Variants in GABRG3 observed in about 807,000 individuals in gnomAD.
GABRG3 encodes gamma-aminobutyric acid receptor subunit gamma-3.
In GABRG3, 25 loss-of-function variants were observed where a neutral mutation model predicts 48.8. That is an observed-to-expected ratio of 0.51 (90% CI 0.37 to 0.72). GABRG3 has a LOEUF of 0.72. Ranked by LOEUF, GABRG3 falls within the 30% of genes least tolerant of loss-of-function variation. The probability of loss-of-function intolerance (pLI) is 0.00; values close to 1 mark genes in which losing one functional copy is unlikely to be tolerated. For missense variants in GABRG3, 394 were observed against 577.9 expected, an observed-to-expected ratio of 0.68 and a Z score of 3.26; for synonymous variants, 227 against 217.6, an observed-to-expected ratio of 1.04 and a Z score of -0.38.
At chr15:27,314,567 T>C (rs1893146634) in intron 3 of GABRG3, among the ~76,000 whole-genome samples, 1 of 152,152 alleles carries the variant, frequency 6.6e-6, no homozygotes, top group Non-Finnish European at 1.5e-5. Flanking sequence ...TGGGTATTTA[T>C]CCAGAAGCAT....
intron 3 of GABRG3, among the ~76,000 whole-genome samples, chr15:27,316,633 A>G (rs1222277472): frequency 6.6e-6 from 1 of 152,214 alleles, no homozygotes; most frequent in Non-Finnish European, 1.5e-5. Flanking sequence ...TACGCTTTTA[A>G]CTTATGAACA....
intron 5 of GABRG3, among the ~76,000 whole-genome samples, chr15:27,442,732 A>C (rs1888828601): frequency 6.6e-6 from 1 of 152,202 alleles, no homozygotes; most frequent in South Asian, 2.1e-4. Context: ...TTTTTCTACA[A>C]TCTGACCCCT....
chr15:27,385,345 G>C (rs945133677), intron 5 of GABRG3, among the ~76,000 whole-genome samples: 1 of 108,874 alleles, frequency 9.2e-6, no homozygotes, highest in African/African-American at 3.6e-5. Flanking sequence ...GTGTCTAGGT[G>C]TGGATTGCAT....
chr15:27,168,241 G>C (rs1252164724), intron 3 of GABRG3, among the ~76,000 whole-genome samples: 4 of 152,140 alleles, frequency 2.6e-5, no homozygotes, highest in Admixed American at 2.0e-4. Context: ...TGCTCATGCA[G>C]TGTGAGCATT....
intron 3 of GABRG3, among the ~76,000 whole-genome samples, chr15:27,306,821 T>C (rs1158149483): frequency 1.1e-5 from 1 of 93,264 alleles, no homozygotes; most frequent in African/African-American, 5.3e-5. Flanking sequence ...TGTTTATATA[T>C]AAACATACAA....
intron 3 of GABRG3, among the ~76,000 whole-genome samples, chr15:27,049,841 A>C (rs898025969): frequency 2.0e-5 from 3 of 152,208 alleles, no homozygotes; most frequent in Admixed American, 2.0e-4. Flanking sequence ...ATGAAAGGTC[A>C]TATCCACCTG....
In GABRG3 at chr15:27,136,168, A is replaced by G. The variant is rs190617817; in HGVS notation, c.270+109347A>G. Among the ~76,000 whole-genome samples, 179 of 152,288 alleles carry G rather than the reference A, an allele frequency of 1.2e-3. 2 individuals are homozygous for G. Among genetic ancestry groups the G allele is most frequent in the Admixed American group, 0.01 (160 of 15,302 alleles). On this transcript the variant is annotated intron_variant, in intron 3 of 9. Coordinates refer to ENST00000615808, the MANE Select transcript of GABRG3 (RefSeq NM_033223.5). ...TGTGAAAGGGGTGCTATGAACATGA[A>G]TTAAATATGAATGCAGTGATAAAAC... is the stretch of plus-strand genomic sequence containing the variant.
intron 3 of GABRG3, among the ~76,000 whole-genome samples, chr15:27,244,914 A>C (rs2140455821): frequency 6.6e-6 from 1 of 152,216 alleles, no homozygotes; most frequent in African/African-American, 2.4e-5. Flanking sequence ...ATTTAGCAAC[A>C]GTGTGTATGG....
Position 27,037,766 on chromosome 15 carries a change from C to T in GABRG3, c.270+10945C>T, listed in dbSNP as rs185702107. On this transcript the variant is annotated intron_variant, in intron 3 of 9. Coordinates refer to ENST00000615808, the MANE Select transcript of GABRG3 (RefSeq NM_033223.5). ...TGTCTTATCTGTGTTTTACTGTCTG[C>T]TCTTTCTGGCTGCTGGTAGTTAGAA... Among the ~76,000 whole-genome samples, 8 of 152,322 alleles carry T rather than the reference C, an allele frequency of 5.3e-5. No individual in the cohort carries two copies. The East Asian group carries it at 1.5e-3, about 29-fold the overall frequency.
intron 5 of GABRG3, among the ~76,000 whole-genome samples, chr15:27,358,652 T>A (rs1894921235): frequency 6.6e-6 from 1 of 151,588 alleles, no homozygotes; most frequent in Admixed American, 6.6e-5. Flanking sequence ...TAGGAGCACA[T>A]GATATGTGAT....
At position 27,164,225 on chromosome 15, in the gene GABRG3, A is replaced by G. The variant is rs181349527; in HGVS notation, c.270+137404A>G. Among the ~76,000 whole-genome samples, 57 of 152,314 alleles carry G rather than the reference A, an allele frequency of 3.7e-4. No homozygotes were observed. In the East Asian group the frequency reaches 3.9e-3, roughly 10 times the overall value. On this transcript the variant is annotated intron_variant, in intron 3 of 9. Coordinates refer to ENST00000615808, the MANE Select transcript of GABRG3 (RefSeq NM_033223.5). ...TTACTGTCTCTCCAAACACACACAC[A>G]CACACAAACACAGCTTCTCTTTTGC... is the stretch of plus-strand genomic sequence containing the variant.
rs571828135 is a variant in GABRG3 at position 27,020,511 on chromosome 15, A to AT, written c.203-6243_203-6242insT. ...ACTGCAAGCTCCGCCTCCTGGGTTCACGCCATTCTCCTGCCTCAGCCTCCT... is the reference window on the plus strand; with the variant it reads ...ACTGCAAGCTCCGCCTCCTGGGTTCATCGCCATTCTCCTGCCTCAGCCTCCT... On this transcript the variant is annotated intron_variant, in intron 2 of 9. Transcript: ENST00000615808. 3.1e-3 allele frequency among the ~76,000 whole-genome samples: 476 copies of AT among 151,980 alleles called. 2 individuals carry two copies. Among genetic ancestry groups the AT allele is most frequent in the Admixed American group, 5.8e-3 (88 of 15,268 alleles).
At chr15:27,237,111 A>G (rs911416675) in intron 3 of GABRG3, among the ~76,000 whole-genome samples, 2 of 152,258 alleles carry the variant, frequency 1.3e-5, no homozygotes, top group Non-Finnish European at 2.9e-5. Flanking sequence ...GTGCAAATGA[A>G]GAGAATTCAA....
chr15:27,337,596 G>T (rs1894017920), intron 5 of GABRG3, among the ~76,000 whole-genome samples: 1 of 152,114 alleles, frequency 6.6e-6, no homozygotes, highest in African/African-American at 2.4e-5. Flanking sequence ...CCACGCAGAG[G>T]TCTTCACACA....
At chr15:27,274,747 A>G (rs1891199843) in intron 3 of GABRG3, among the ~76,000 whole-genome samples, 1 of 152,162 alleles carries the variant, frequency 6.6e-6, no homozygotes, top group East Asian at 1.9e-4. Flanking sequence ...CTTATATAAC[A>G]CAGACATTAT....
chr15:27,527,885 C>CA (rs1347998117), intron 8 of GABRG3, 48 bp from the exon 9 acceptor site: 2 of 1,424,228 alleles, frequency 1.4e-6, no homozygotes, highest in Non-Finnish European at 1.9e-6. Flanking sequence ...ATCTTGGATG[C>CA]AAATGTTCAT....
At chr15:27,070,942 C>T (rs963657177) in intron 3 of GABRG3, among the ~76,000 whole-genome samples, 3 of 152,190 alleles carry the variant, frequency 2.0e-5, no homozygotes, top group Admixed American at 6.5e-5. Flanking sequence ...GACGGGACTG[C>T]GAGGTCCTCT....
At chr15:27,402,638 G>A (rs779135379) in intron 5 of GABRG3, among the ~76,000 whole-genome samples, 9 of 152,172 alleles carry the variant, frequency 5.9e-5, no homozygotes, top group African/African-American at 9.7e-5. Context: ...AGATTAAGTG[G>A]ATCCAGGAGA....
At chr15:27,152,156 C>G (rs2140397092) in intron 3 of GABRG3, among the ~76,000 whole-genome samples, 1 of 152,180 alleles carries the variant, frequency 6.6e-6, no homozygotes, top group South Asian at 2.1e-4. Flanking sequence ...TTTTGAATTA[C>G]TTTTTGATAT....
Sources: gnomAD v4.1 joint callset for allele counts (sites outside exome capture counted in the v4.1 genomes callset) on GRCh38, gnomAD v4.1.1 for gene constraint, MANE v1.5 for transcripts, NCBI Gene and HGNC (gene_info 2026-07-23, HGNC 2026-07-21) for gene names.